The following ESCO1 variants were observed in gnomAD, a reference collection of about 807,000 sequenced individuals.
ESCO1 encodes the protein establishment of sister chromatid cohesion N-acetyltransferase 1.
A neutral mutation model predicts 83.5 loss-of-function variants in ESCO1; 33 were observed. That is an observed-to-expected ratio of 0.40 (90% confidence interval 0.30 to 0.53). The LOEUF (loss-of-function observed/expected upper bound fraction) is 0.53. Among genes scored for constraint, ESCO1 ranks in the 20% least tolerant of loss-of-function variants. The probability of loss-of-function intolerance (pLI) is 0.63; values close to 1 mark genes in which losing one functional copy is unlikely to be tolerated. For synonymous variants in ESCO1, 332 were observed against 324.3 expected (o/e 1.02, Z -0.25); for missense variants, 855 against 968.0 (o/e 0.88, Z 1.55).
chr18:21,530,191 T>C lies in ESCO1; in HGVS notation c.*152A>G. 3.9e-6 allele frequency: 2 copies of C among 506,816 alleles called. No homozygotes were observed. The highest frequency in any genetic ancestry group is 6.6e-6 in the Non-Finnish European group (2 of 302,594). 31.4% of individuals were successfully genotyped at this position (506,816 alleles called of 1,614,324 possible). A position where few individuals can be genotyped will look rare whatever the true frequency, so the allele number is the denominator to read the frequency against. ...AACAAAACAATAAGCTATTACTGCA[T>C]TGTTTCCAATTTTATGAAAATGGAA... On this transcript the variant is annotated 3_prime_UTR_variant, in exon 12 of 12. Transcript: ENST00000269214.
At chr18:21,535,728 G>A (rs1426349018) in intron 10 of ESCO1, among the ~76,000 whole-genome samples, 1 of 152,218 alleles carries the variant, frequency 6.6e-6, no homozygotes, top group Non-Finnish European at 1.5e-5. Flanking sequence ...ATGTTGGCAA[G>A]GCTGGTCTCA....
At chr18:21,582,954 G>C (rs1489187198) in intron 2 of ESCO1, among the ~76,000 whole-genome samples, 2 of 152,158 alleles carry the variant, frequency 1.3e-5, no homozygotes, top group Non-Finnish European at 2.9e-5. Flanking sequence ...ACTTTGGGGG[G>C]GCCAAGGTGT....
chr18:21,560,937 C>T lies in ESCO1; in HGVS notation c.1875G>A (p.Leu625=), dbSNP rs749758006. 3.1e-6 allele frequency: 5 copies of T among 1,607,454 alleles called. No homozygotes were observed. Among genetic ancestry groups the T allele is most frequent in the African/African-American group, 1.3e-5 (1 of 74,774 alleles). ...CATCTTCTGGATTTGAAGCTGTATA[C>T]AGCATTCCACAAACATTACAAGAAA... ...GAVSCNVCGM[L]YTASNPEDET... The change falls in exon 8 of 12, where the codon CTG becomes CTA. Residue 625 remains leucine (L), a synonymous_variant. Transcript: ENST00000269214.
intron 9 of ESCO1, 68 bp downstream of exon 9, chr18:21,539,852 T>TAAA (rs35487404): frequency 7.3e-5 from 80 of 1,100,936 alleles, no homozygotes; most frequent in Non-Finnish European, 9.7e-5. Context: ...TGTCTCAGGG[T>TAAA]AAAAAAAAAA....
Position 21,564,292 on chromosome 18 carries a change from G to A in ESCO1, c.1732C>T (p.Pro578Ser), listed in dbSNP as rs1305217600. Reference sequence around the variant, plus strand: ...ATCTCCAAATGGGAATTACACTTAGGCAAAGAATGATTTCGTGGTGTCTCC... The same window carrying A: ...ATCTCCAAATGGGAATTACACTTAGACAAAGAATGATTTCGTGGTGTCTCC... ...NRETPRNHSL[P>S]KCNSHLEITI... The change falls in exon 7 of 12, where the codon CCT becomes TCT. Residue 578 changes from proline to serine, a missense_variant. This residue lies in a region of ESCO1 where 726 missense variants were observed against 699.5 expected (regional missense o/e 1.04). Transcript: ENST00000269214. The A allele has an allele frequency of 1.9e-6, 3 of 1,610,124 alleles. No homozygotes were observed. The highest frequency in any genetic ancestry group is 2.5e-6 in the Non-Finnish European group (3 of 1,178,406).
At chr18:21,597,169 A>G (rs149313111) in intron 1 of ESCO1, among the ~76,000 whole-genome samples, 1 of 152,354 alleles carries the variant, frequency 6.6e-6, no homozygotes, top group East Asian at 1.9e-4. Flanking sequence ...AGAGTATTAC[A>G]ACTATCTGAA....
intron 8 of ESCO1, among the ~76,000 whole-genome samples, chr18:21,551,186 C>T (rs551873343): frequency 2.6e-4 from 39 of 148,490 alleles, no homozygotes; most frequent in African/African-American, 8.4e-4. Context: ...AACACAATGT[C>T]CAGGCCGGGC....
intron 7 of ESCO1, among the ~76,000 whole-genome samples, chr18:21,563,719 T>C (rs1038574232): frequency 3.3e-5 from 5 of 152,216 alleles, no homozygotes; most frequent in African/African-American, 1.2e-4. Context: ...AATTTATTCT[T>C]TAAAACCTTG....
In ESCO1 at chr18:21,577,453, G is replaced by A. The variant is rs138125964; in HGVS notation, c.-693-1676C>T. Among the ~76,000 whole-genome samples the A allele has an allele frequency of 3.1e-3, 461 of 150,630 alleles. 11 individuals carry two copies. In the East Asian group the frequency reaches 0.037, roughly 12 times the overall value. ...GGCGGGCAGATTCACGAGGTCAGGA[G>A]GTCGAGACCATCCTGGCTAACATGG... On this transcript the variant is annotated intron_variant, in intron 2 of 11. Coordinates refer to ENST00000269214, the MANE Select transcript of ESCO1 (RefSeq NM_052911.3).
chr18:21,597,291 G>A (rs914453543), intron 1 of ESCO1, among the ~76,000 whole-genome samples: 1 of 152,096 alleles, frequency 6.6e-6, no homozygotes, highest in Non-Finnish European at 1.5e-5. Context: ...AAACATTAAG[G>A]AGATTTACAA....
At chr18:21,564,083 A>G in intron 7 of ESCO1, 120 bp downstream of exon 7, 1 of 686,756 alleles carries the variant, frequency 1.5e-6, no homozygotes, top group East Asian at 2.9e-5. Context: ...TAGAACCACA[A>G]GCCAAATAAA....
At chr18:21,568,748 C>T (rs2038297626) in intron 4 of ESCO1, among the ~76,000 whole-genome samples, 1 of 151,918 alleles carries the variant, frequency 6.6e-6, no homozygotes, top group East Asian at 1.9e-4. Context: ...ACTAAAAATA[C>T]AAAAATTAGC....
chr18:21,560,904 C>T lies in ESCO1; in HGVS notation c.1908G>A (p.Gln636=). The T allele has an allele frequency of 6.2e-7, 1 of 1,602,750 alleles. No homozygotes were observed. Among genetic ancestry groups the T allele is most frequent in the Non-Finnish European group, 8.5e-7 (1 of 1,176,162 alleles). Residue 636 remains glutamine (Q), a synonymous_variant, in exon 8 of 12, where the codon CAG becomes CAA. Coordinates refer to ENST00000269214, the MANE Select transcript of ESCO1 (RefSeq NM_052911.3). ...YTASNPEDET[Q]HLLFHNQFIS... is the part of the protein sequence containing the mutation. The stretch of plus-strand genomic sequence containing the variant: ...TAAACTGGTTGTGGAAAAGCAGATG[C>T]TGTGTTTCATCTTCTGGATTTGAAG...
intron 4 of ESCO1, among the ~76,000 whole-genome samples, chr18:21,573,012 A>C (rs1443537491): frequency 6.6e-6 from 1 of 152,166 alleles, no homozygotes; most frequent in Non-Finnish European, 1.5e-5. Flanking sequence ...TATGGTTATA[A>C]TTAACAGAAA....
At position 21,574,074 on chromosome 18, in the gene ESCO1, G is replaced by A. The variant is rs747657575; in HGVS notation, c.770C>T (p.Pro257Leu). The change falls in exon 4 of 12, where the codon CCG becomes CTG. Residue 257 changes from proline to leucine, a missense_variant. Pro to Leu is a moderately conservative substitution (Grantham distance 98, BLOSUM62 -3). This residue lies in a region of ESCO1 where 726 missense variants were observed against 699.5 expected (regional missense o/e 1.04). Coordinates refer to ENST00000269214, the MANE Select transcript of ESCO1 (RefSeq NM_052911.3). Reference protein sequence around the residue: ...KRSKMATSVVPKKNEMKKSVH... With the variant: ...KRSKMATSVVLKKNEMKKSVH... ...CGACTTCTTCATCTCATTCTTTTTC[G>A]GGACCACTGAAGTAGCCATTTTTGA... is the stretch of plus-strand genomic sequence containing the variant. 75 of 1,612,116 alleles carry A rather than the reference G, an allele frequency of 4.7e-5. 2 individuals carry two copies. In the South Asian group the frequency reaches 6.9e-4, roughly 15 times the overall value.
chr18:21,589,889 GC>G (rs1473785492), intron 1 of ESCO1, among the ~76,000 whole-genome samples: 4 of 149,802 alleles, frequency 2.7e-5, no homozygotes, highest in Non-Finnish European at 5.9e-5. Context: ...GTGCAGTGGT[GC>G]CATCTCGGCT....
In ESCO1 at chr18:21,577,426, G is replaced by A. The variant is rs1285386270; in HGVS notation, c.-693-1649C>T. 4.1e-5 allele frequency among the ~76,000 whole-genome samples: 6 copies of A among 147,192 alleles called. No individual in the cohort carries two copies. The South Asian group carries it at 1.1e-3, about 26-fold the overall frequency. ...TGTAATCCCAGCACTTTGGGAGGCC[G>A]AGGCGGGCAGATTCACGAGGTCAGG... On this transcript the variant is annotated intron_variant, in intron 2 of 11. Transcript: ENST00000269214.
intron 8 of ESCO1, among the ~76,000 whole-genome samples, chr18:21,549,050 T>C (rs942456052): frequency 6.6e-6 from 1 of 152,250 alleles, no homozygotes; most frequent in Non-Finnish European, 1.5e-5. Flanking sequence ...AGCTCCAGTA[T>C]TTTGATCTCA....
chr18:21,564,158 T>C (rs773766233), intron 7 of ESCO1, 45 bp downstream of exon 7: 2 of 1,182,398 alleles, frequency 1.7e-6, no homozygotes, highest in African/African-American at 1.5e-5. Context: ...TATACTAAGA[T>C]GGTTCTAACA....
Sources: allele counts gnomAD v4.1 joint callset (sites outside exome capture counted in the v4.1 genomes callset), GRCh38; gene constraint gnomAD v4.1.1; regional missense constraint gnomAD v4.1.1; transcripts MANE v1.5; gene names NCBI Gene and HGNC (gene_info 2026-07-23, HGNC 2026-07-21).